Variants in GAB1 observed in about 807,000 individuals in gnomAD.
GAB1 encodes GRB2 associated binding protein 1, also known as GRB2-associated-binding protein 1.
Under a neutral mutation model 66.5 loss-of-function variants are expected in GAB1, and 19 were observed. The observed-to-expected ratio is 0.29, with a 90% CI of 0.20 to 0.42. The LOEUF (loss-of-function observed/expected upper bound fraction) is 0.42, where lower values mean the gene tolerates loss of function less well. GAB1 is among the 10% of genes least tolerant of loss of function. The pLI is 1.00. For missense variants in GAB1, 732 were observed against 858.5 expected (o/e 0.85, Z 1.84); for synonymous variants, 294 against 301.4 (o/e 0.98, Z 0.25).
At chr4:143,400,186 A>G (rs1166997722) in intron 1 of GAB1, among the ~76,000 whole-genome samples, 2 of 152,112 alleles carry the variant, frequency 1.3e-5, no homozygotes, top group Non-Finnish European at 2.9e-5. Flanking sequence ...CAAATGATCC[A>G]TCCTTCATGG....
intron 1 of GAB1, 144 bp downstream of exon 1, chr4:143,337,404 C>A: frequency 1.4e-6 from 1 of 708,564 alleles, no homozygotes; most frequent in Non-Finnish European, 2.4e-6. Context: ...CTACCCCTGG[C>A]GGGCTCGGGA....
At chr4:143,410,076 C>T (rs1208117350) in intron 1 of GAB1, among the ~76,000 whole-genome samples, 4 of 151,332 alleles carry the variant, frequency 2.6e-5, no homozygotes, top group African/African-American at 4.9e-5. Flanking sequence ...CAAAGCTCTC[C>T]GGATATTTCT....
At chr4:143,425,798 G>T (rs898344854) in intron 2 of GAB1, 18 of 796,336 alleles carry the variant, frequency 2.3e-5, no homozygotes, top group Non-Finnish European at 4.0e-5. Context: ...CTGAAGGCAT[G>T]CAGGTGCCTT....
intron 2 of GAB1, chr4:143,425,045 T>G: frequency 2.4e-6 from 2 of 827,842 alleles, no homozygotes; most frequent in Non-Finnish European, 4.1e-6. Context: ...AAAGGGAAAC[T>G]TTCACAATGT....
intron 2 of GAB1, chr4:143,417,422 T>C: frequency 2.3e-6 from 1 of 430,776 alleles, no homozygotes; most frequent in Non-Finnish European, 4.6e-6. Context: ...ATTTTCTTTT[T>C]TTTGAGATAG....
At chr4:143,349,771 G>T in intron 1 of GAB1, 3 of 1,590,890 alleles carry the variant, frequency 1.9e-6, no homozygotes, top group Non-Finnish European at 2.6e-6. Context: ...GTCCCCGATA[G>T]CAACGAATGC....
Position 143,466,090 on chromosome 4 carries a change from C to G in GAB1, c.1804-13C>G. On this transcript the variant is annotated splice_polypyrimidine_tract_variant and intron_variant, in intron 8 of 9. Transcript: ENST00000262994. Reference sequence around the variant, plus strand: ...AATGTCTGACCGTTGATTTTGTTGTCTAATACTTTCAGAATCTCTTTGGCA... The same window carrying G: ...AATGTCTGACCGTTGATTTTGTTGTGTAATACTTTCAGAATCTCTTTGGCA... 1 of 1,612,752 alleles carries G rather than the reference C, an allele frequency of 6.2e-7. No individual in the cohort carries two copies. The highest frequency in any genetic ancestry group is 1.7e-5 in the Admixed American group (1 of 59,924).
chr4:143,453,374 C>G lies in GAB1; in HGVS notation c.1586-6011C>G, dbSNP rs1368072706. On this transcript the variant is annotated intron_variant, in intron 6 of 9. Transcript: ENST00000262994. ...AGGAGTACCCTTTTAGTACCCACCC[C>G]AGAAAAAAAGGTAATGAAGATGAAG... Among the ~76,000 whole-genome samples the G allele has an allele frequency of 2.6e-5, 4 of 151,900 alleles. No individual in the cohort carries two copies. In the East Asian group the frequency reaches 7.7e-4, roughly 29 times the overall value.
At chr4:143,377,713 A>G (rs900313228) in intron 1 of GAB1, among the ~76,000 whole-genome samples, 4 of 152,194 alleles carry the variant, frequency 2.6e-5, no homozygotes, top group Admixed American at 2.6e-4. Flanking sequence ...TTCTTTATGT[A>G]ATCCACCATC....
chr4:143,340,430 C>T (rs977445527), intron 1 of GAB1, among the ~76,000 whole-genome samples: 1 of 152,104 alleles, frequency 6.6e-6, no homozygotes, highest in African/African-American at 2.4e-5. Context: ...TCACTGTTTA[C>T]AGCATTTATA....
At chr4:143,446,051 T>C (rs570353392) in intron 6 of GAB1, among the ~76,000 whole-genome samples, 31 of 152,288 alleles carry the variant, frequency 2.0e-4, no homozygotes, top group African/African-American at 7.2e-4. Context: ...GTGTTTGGTT[T>C]TTTGTCCTTG....
intron 6 of GAB1, among the ~76,000 whole-genome samples, chr4:143,451,336 C>T (rs1429430603): frequency 1.3e-5 from 2 of 151,650 alleles, no homozygotes; most frequent in Admixed American, 1.3e-4. Context: ...GGTGGGCGGG[C>T]AAAAAGGAGG....
Position 143,337,255 on chromosome 4 carries a change from C to T in GAB1, c.67C>T (p.Arg23Cys). 1.3e-6 allele frequency: 2 copies of T among 1,578,088 alleles called. No individual in the cohort carries two copies. The highest frequency in any genetic ancestry group is 1.7e-6 in the Non-Finnish European group (2 of 1,161,266). The change falls in exon 1 of 10, where the codon CGT (arginine) becomes TGT (cysteine). Residue 23 changes from arginine (R) to cysteine (C), a missense_variant. Physicochemically the swap from Arg to Cys is radical, Grantham distance 180. This residue lies in a region of GAB1 where 35 missense variants were observed against 30.8 expected (regional missense o/e 1.13). Transcript: ENST00000262994. Reference protein sequence around the residue: ...RKSPPEKKLKRYAWKRRWFVL... With the variant: ...RKSPPEKKLKCYAWKRRWFVL... The stretch of plus-strand genomic sequence containing the variant: ...GTCCCCCCCGGAGAAAAAGTTGAAG[C>T]GTTATGTAAGTAGAGCTGCGGGCAC...
At position 143,448,470 on chromosome 4, in the gene GAB1, T is replaced by C. The variant is rs368165663; in HGVS notation, c.1585+8088T>C. ...ATTGATTATTGCCACAATTTCAGAT[T>C]CTGTTATTGGTCTATTCAGAGATTC... On this transcript the variant is annotated intron_variant, in intron 6 of 9. Coordinates refer to ENST00000262994, the MANE Select transcript of GAB1 (RefSeq NM_002039.4). Among the ~76,000 whole-genome samples the C allele has an allele frequency of 3.0e-4, 45 of 151,772 alleles. 1 individual carries two copies. The highest frequency in any genetic ancestry group is 3.4e-3 in the Middle Eastern group (1 of 292).
rs142724352 is a variant in GAB1 at position 143,356,827 on chromosome 4, T to C, written c.72+19567T>C. Reference sequence around the variant, plus strand: ...GGGGTTTCTGCGAGGAGTGCAGAGATTTGAGCTTGTAAACTTTTTACTTTT... The same window carrying C: ...GGGGTTTCTGCGAGGAGTGCAGAGACTTGAGCTTGTAAACTTTTTACTTTT... On this transcript the variant is annotated intron_variant, in intron 1 of 9. Coordinates refer to ENST00000262994, the MANE Select transcript of GAB1 (RefSeq NM_002039.4). Among the ~76,000 whole-genome samples the C allele has an allele frequency of 4.2e-3, 632 of 152,240 alleles. 3 individuals carry two copies. The highest frequency in any genetic ancestry group is 0.014 in the African/African-American group (576 of 41,560).
intron 2 of GAB1, among the ~76,000 whole-genome samples, chr4:143,421,698 C>CTTTTTTTTTTTTTTTTTTTTTTTTTTTTT (rs70953733): frequency 9.3e-5 from 11 of 118,688 alleles, no homozygotes; most frequent in East Asian, 4.8e-4. Context: ...CTTTTCTTTT[C>CTTTTTTTTTTTTTTTTTTTTTTTTTTTTT]TTTTTTTTTT....
chr4:143,459,512 G>T lies in GAB1; in HGVS notation c.1679+34G>T. 3 of 1,076,008 alleles carry T rather than the reference G, an allele frequency of 2.8e-6. No individual in the cohort carries two copies. The South Asian group carries it at 3.8e-5, about 13-fold the overall frequency. 66.7% of individuals were successfully genotyped at this position (1,076,008 alleles called of 1,614,324 possible). On this transcript the variant is annotated intron_variant, in intron 7 of 9. Transcript: ENST00000262994. ...TTTGTCTAAAATATGTAGTTTGTAT[G>T]AATAATGTGACTATCTAGAATTGTT...
chr4:143,337,142 C>T lies in GAB1; in HGVS notation c.-47C>T, dbSNP rs1462046446. 23 of 1,526,530 alleles carry T rather than the reference C, an allele frequency of 1.5e-5. No homozygotes were observed. The highest frequency in any genetic ancestry group is 2.0e-5 in the Non-Finnish European group (22 of 1,127,158). The allele number at this position is 1,526,530 out of a possible 1,614,324, so 94.6% of individuals were successfully genotyped here. On this transcript the variant is annotated 5_prime_UTR_variant, in exon 1 of 10. Coordinates refer to ENST00000262994, the MANE Select transcript of GAB1 (RefSeq NM_002039.4). ...AGGCGTCGGCTGTGTCGGGAGCGCGCCCGCCGCCCCTCAGCTGCCCGGCCC... is the reference window on the plus strand; with the variant it reads ...AGGCGTCGGCTGTGTCGGGAGCGCGTCCGCCGCCCCTCAGCTGCCCGGCCC...
intron 1 of GAB1, among the ~76,000 whole-genome samples, chr4:143,386,117 G>A (rs759747548): frequency 3.9e-5 from 6 of 152,104 alleles, no homozygotes; most frequent in Non-Finnish European, 8.8e-5. Context: ...ACTCCAGCCT[G>A]GGCAACAGAG....
Sources: allele counts gnomAD v4.1 joint callset (sites outside exome capture counted in the v4.1 genomes callset), GRCh38; gene constraint gnomAD v4.1.1; regional missense constraint gnomAD v4.1.1; transcripts MANE v1.5; gene names NCBI Gene and HGNC (gene_info 2026-07-23, HGNC 2026-07-21).